The following TTLL5 variants were observed in gnomAD, a reference collection of about 807,000 sequenced individuals.
TTLL5 encodes tubulin polyglutamylase TTLL5.
Under a neutral mutation model 168.4 loss-of-function variants are expected in TTLL5, and 132 were observed. The observed-to-expected ratio is 0.78, with a 90% confidence interval of 0.68 to 0.91. The LOEUF is 0.91. Ranked by LOEUF, TTLL5 falls within the 40% of genes least tolerant of loss-of-function variation. The probability of loss-of-function intolerance (pLI) is 0.00; values close to 1 mark genes in which losing one functional copy is unlikely to be tolerated. For missense variants in TTLL5, 1,545 were observed against 1,581.5 expected (o/e 0.98, Z 0.39); for synonymous variants, 546 against 558.6 (o/e 0.98, Z 0.32).
chr14:75,727,740 A>G (rs192403676), intron 12 of TTLL5: 18 of 406,342 alleles, frequency 4.4e-5, no homozygotes, highest in African/African-American at 3.1e-4. Flanking sequence ...GAAACATGGT[A>G]GATGAAAGAA....
intron 22 of TTLL5, 112 bp downstream of exon 22, chr14:75,775,742 C>A: frequency 7.4e-7 from 1 of 1,346,576 alleles, no homozygotes; most frequent in Non-Finnish European, 1.0e-6. Context: ...TGTTCTCTGG[C>A]ATCACCATCC....
chr14:75,842,655 A>G (rs1033029094), intron 28 of TTLL5, among the ~76,000 whole-genome samples: 1 of 152,234 alleles, frequency 6.6e-6, no homozygotes, highest in Non-Finnish European at 1.5e-5. Context: ...ATTAAAAAGG[A>G]AGAAAAGTGT....
At chr14:75,931,509 T>C (rs1486507964) in intron 31 of TTLL5, among the ~76,000 whole-genome samples, 1 of 152,242 alleles carries the variant, frequency 6.6e-6, no homozygotes, top group African/African-American at 2.4e-5. Flanking sequence ...CTGTTTGAAT[T>C]ACTACAGTGT....
chr14:75,728,711 A>G (rs529485526), intron 12 of TTLL5, among the ~76,000 whole-genome samples: 1 of 152,242 alleles, frequency 6.6e-6, no homozygotes, highest in East Asian at 1.9e-4. Flanking sequence ...AATTGTGGCC[A>G]TGAGAATACC....
intron 26 of TTLL5, among the ~76,000 whole-genome samples, chr14:75,789,153 G>A (rs1425951806): frequency 1.3e-5 from 2 of 152,140 alleles, no homozygotes; most frequent in Non-Finnish European, 2.9e-5. Context: ...ATACGGAAAT[G>A]TTGAAAGCAT....
Position 75,854,062 on chromosome 14 carries a change from A to AAT in TTLL5, c.3327-9594_3327-9593dup, listed in dbSNP as rs917486054. Among the ~76,000 whole-genome samples, 11 of 152,104 alleles carry AAT rather than the reference A, an allele frequency of 7.2e-5. No individual in the cohort carries two copies. The East Asian group carries it at 1.7e-3, about 24-fold the overall frequency. The stretch of plus-strand genomic sequence containing the variant: ...CGTCTCAAAAAAAAAAGAGAGAGAA[A>AAT]ATATATATATATTTTACTGTTCAAT... On this transcript the variant is annotated intron_variant, in intron 28 of 31. Coordinates refer to ENST00000298832, the MANE Select transcript of TTLL5 (RefSeq NM_015072.5).
chr14:75,757,350 T>C (rs148462266), intron 18 of TTLL5, among the ~76,000 whole-genome samples: 2 of 152,154 alleles, frequency 1.3e-5, no homozygotes, highest in Admixed American at 6.5e-5. Context: ...CCCATGAGAA[T>C]TGAGCTTGGT....
At chr14:75,828,875 A>C (rs144124010) in intron 28 of TTLL5, among the ~76,000 whole-genome samples, 2 of 152,372 alleles carry the variant, frequency 1.3e-5, no homozygotes, top group East Asian at 3.9e-4. Flanking sequence ...TGTTTCAGCT[A>C]GGAAATGATT....
intron 6 of TTLL5, among the ~76,000 whole-genome samples, chr14:75,691,037 A>G (rs188396171): frequency 8.5e-5 from 13 of 152,154 alleles, no homozygotes; most frequent in Admixed American, 2.6e-4. Flanking sequence ...TCTGTAATTT[A>G]TGTTCTTTGA....
At chr14:75,756,581 C>T (rs1402665816) in intron 18 of TTLL5, among the ~76,000 whole-genome samples, 1 of 151,506 alleles carries the variant, frequency 6.6e-6, no homozygotes, top group East Asian at 1.9e-4. Context: ...AATCTCGGCT[C>T]ACTGCAACCT....
intron 26 of TTLL5, among the ~76,000 whole-genome samples, chr14:75,785,858 T>A (rs1595037903): frequency 6.6e-6 from 1 of 152,338 alleles, no homozygotes; most frequent in East Asian, 1.9e-4. Context: ...TCTGGATCCC[T>A]TGCATTTTCA....
intron 7 of TTLL5, among the ~76,000 whole-genome samples, chr14:75,705,391 A>G (rs550048462): frequency 1.1e-4 from 17 of 152,354 alleles, no homozygotes; most frequent in African/African-American, 4.1e-4. Flanking sequence ...AGGGTAGGAA[A>G]TGCATTGTTA....
intron 30 of TTLL5, among the ~76,000 whole-genome samples, chr14:75,899,675 G>A (rs534725309): frequency 1.3e-5 from 2 of 152,162 alleles, no homozygotes; most frequent in African/African-American, 4.8e-5. Flanking sequence ...GAGTTGATGG[G>A]AGGGAAGAGG....
intron 13 of TTLL5, among the ~76,000 whole-genome samples, chr14:75,733,415 G>A (rs1888670109): frequency 6.6e-6 from 1 of 151,984 alleles, no homozygotes; most frequent in Non-Finnish European, 1.5e-5. Context: ...GTTTTCATGT[G>A]GGTTCCCGCC....
chr14:75,871,070 C>T (rs1345478106), intron 29 of TTLL5, among the ~76,000 whole-genome samples: 2 of 152,338 alleles, frequency 1.3e-5, no homozygotes, highest in South Asian at 2.1e-4. Flanking sequence ...GCTGGGATTA[C>T]AGGCGTGAGC....
chr14:75,950,318 C>G (rs2034921947), intron 31 of TTLL5, among the ~76,000 whole-genome samples: 1 of 152,134 alleles, frequency 6.6e-6, no homozygotes, highest in Non-Finnish European at 1.5e-5. Flanking sequence ...TTTAAGAATA[C>G]ATTAGAGGAC....
At chr14:75,917,841 A>G (rs2033675158) in intron 31 of TTLL5, among the ~76,000 whole-genome samples, 1 of 152,124 alleles carries the variant, frequency 6.6e-6, no homozygotes, top group Non-Finnish European at 1.5e-5. Flanking sequence ...CTTGGGAATC[A>G]CCCCTGGATT....
At chr14:75,932,821 T>C (rs1024759471) in intron 31 of TTLL5, among the ~76,000 whole-genome samples, 3 of 152,212 alleles carry the variant, frequency 2.0e-5, no homozygotes, top group African/African-American at 7.2e-5. Flanking sequence ...CCATGTCTTC[T>C]TCATGAGGTT....
intron 22 of TTLL5, among the ~76,000 whole-genome samples, chr14:75,776,118 C>A (rs1026898833): frequency 1.5e-4 from 23 of 152,164 alleles, no homozygotes; most frequent in African/African-American, 5.3e-4. Context: ...ATTCTATATC[C>A]CGGGATCTCA....
Sources: gnomAD v4.1 joint callset for allele counts (sites outside exome capture counted in the v4.1 genomes callset) on GRCh38, gnomAD v4.1.1 for gene constraint, MANE v1.5 for transcripts, NCBI Gene and HGNC (gene_info 2026-07-23, HGNC 2026-07-21) for gene names.